The following RORA variants were observed in gnomAD, a reference collection of about 807,000 sequenced individuals.
RORA encodes the protein nuclear receptor ROR-alpha.
A neutral mutation model predicts 69.5 loss-of-function variants in RORA; 7 were observed. The observed-to-expected ratio is 0.10, with a 90% CI of 0.06 to 0.19. The LOEUF (loss-of-function observed/expected upper bound fraction) is 0.19. RORA is among the 10% of genes least tolerant of loss of function. RORA has a pLI of 1.00. For synonymous variants in RORA, 261 were observed against 240.8 expected (o/e 1.08, Z -0.78); for missense variants, 457 against 663.0 (o/e 0.69, Z 3.41).
intron 1 of RORA, among the ~76,000 whole-genome samples, chr15:61,176,728 T>G (rs1462063653): frequency 6.6e-6 from 1 of 152,234 alleles, no homozygotes; most frequent in Non-Finnish European, 1.5e-5. Flanking sequence ...CTTACAGAGT[T>G]GTGTAATTCA....
chr15:61,196,774 AT>A lies in RORA; in HGVS notation c.166+32278del, dbSNP rs373586666. 9.2e-5 allele frequency among the ~76,000 whole-genome samples: 14 copies of A among 152,364 alleles called. No homozygotes were observed. In the East Asian group the frequency reaches 1.7e-3, roughly 19 times the overall value. On this transcript the variant is annotated intron_variant, in intron 1 of 10. Coordinates refer to ENST00000335670, the MANE Select transcript of RORA (RefSeq NM_134261.3). ...GCACCAAAGTCAGAATAATGGAATA[AT>A]TGTTACAGTGTTTTAAAAAAATTTT...
At chr15:61,227,363 C>A (rs925795906) in intron 1 of RORA, among the ~76,000 whole-genome samples, 2 of 152,172 alleles carry the variant, frequency 1.3e-5, no homozygotes. Context: ...CACAAACTCA[C>A]CGAGCTAGCG....
At chr15:60,639,669 T>G (rs1351111516) in intron 2 of RORA, among the ~76,000 whole-genome samples, 1 of 152,200 alleles carries the variant, frequency 6.6e-6, no homozygotes, top group Non-Finnish European at 1.5e-5. Context: ...GTCATCGGGT[T>G]GCACAAGCAA....
At chr15:60,975,365 G>A (rs147529107) in intron 1 of RORA, among the ~76,000 whole-genome samples, 1 of 152,144 alleles carries the variant, frequency 6.6e-6, no homozygotes, top group African/African-American at 2.4e-5. Context: ...AAGGTGTCCC[G>A]GTCTGCCAAG....
chr15:60,629,009 G>A (rs1406444598), intron 2 of RORA, among the ~76,000 whole-genome samples: 1 of 151,922 alleles, frequency 6.6e-6, no homozygotes, highest in African/African-American at 2.4e-5. Flanking sequence ...AAGTCCACAG[G>A]TATTTCTACC....
chr15:61,195,685 G>A (rs1049767315), intron 1 of RORA, among the ~76,000 whole-genome samples: 1 of 152,164 alleles, frequency 6.6e-6, no homozygotes, highest in South Asian at 2.1e-4. Flanking sequence ...AAACTGGTCA[G>A]ATCCACATTT....
At chr15:60,505,682 T>C (rs1051647430) in intron 5 of RORA, 53 bp from the exon 6 acceptor site, 4 of 1,594,922 alleles carry the variant, frequency 2.5e-6, no homozygotes, top group Admixed American at 1.7e-5. Flanking sequence ...CTTTGAATAA[T>C]TGGTGATTTA....
chr15:60,616,347 C>T (rs955082286), intron 2 of RORA, among the ~76,000 whole-genome samples: 7 of 152,216 alleles, frequency 4.6e-5, no homozygotes, highest in African/African-American at 1.7e-4. Context: ...TCTGCCCTCT[C>T]ATCTCTCACC....
rs3053960 is a variant in RORA, at chr15:61,013,779, C to CT, written c.166+215273dup. Among the ~76,000 whole-genome samples, 455 of 70,898 alleles carry CT rather than the reference C, an allele frequency of 6.4e-3. 1 individual carries two copies. Among genetic ancestry groups the CT allele is most frequent in the African/African-American group, 0.013 (221 of 17,538 alleles). 46.5% of individuals were successfully genotyped at this position (70,898 alleles called of 152,430 possible). A position where few individuals can be genotyped will look rare whatever the true frequency, so the allele number is the denominator to read the frequency against. ...TTACTATAGCCAAGAACTGGGTTGG[C>CT]TTTTTTTTTTTTTTTTTTTTTTTGG... On this transcript the variant is annotated intron_variant, in intron 1 of 10. Transcript: ENST00000335670.
Position 61,204,697 on chromosome 15 carries a change from C to T in RORA, c.166+24356G>A, listed in dbSNP as rs200548632. Among the ~76,000 whole-genome samples, 7 of 152,342 alleles carry T rather than the reference C, an allele frequency of 4.6e-5. No individual in the cohort carries two copies. The East Asian group carries it at 5.8e-4, about 13-fold the overall frequency. ...CCAGTGTCCATGTCAGAAAAGTGAGCACTGTTCCATAAGGGAAAAGAGCAC... is the reference window on the plus strand; with the variant it reads ...CCAGTGTCCATGTCAGAAAAGTGAGTACTGTTCCATAAGGGAAAAGAGCAC... On this transcript the variant is annotated intron_variant, in intron 1 of 10. Transcript: ENST00000335670.
intron 1 of RORA, among the ~76,000 whole-genome samples, chr15:60,785,622 T>C (rs981749599): frequency 6.6e-6 from 1 of 152,348 alleles, no homozygotes; most frequent in Middle Eastern, 3.4e-3. Flanking sequence ...TCTCACATCA[T>C]GCTTCCTCAC....
intron 1 of RORA, among the ~76,000 whole-genome samples, chr15:60,907,517 G>A (rs896727305): frequency 1.3e-5 from 2 of 152,168 alleles, no homozygotes; most frequent in Non-Finnish European, 2.9e-5. Flanking sequence ...GTCACTTCCA[G>A]ATGTAACATT....
intron 2 of RORA, among the ~76,000 whole-genome samples, chr15:60,606,629 A>G (rs1279320924): frequency 6.6e-6 from 1 of 152,204 alleles, no homozygotes; most frequent in Non-Finnish European, 1.5e-5. Context: ...ACTACGTGAA[A>G]TGTTTGAAAA....
intron 1 of RORA, among the ~76,000 whole-genome samples, chr15:60,999,713 T>G (rs1021170233): frequency 1.3e-5 from 2 of 152,130 alleles, no homozygotes; most frequent in Non-Finnish European, 2.9e-5. Flanking sequence ...CTTAGGGAAA[T>G]CCACAGGCCC....
At chr15:60,873,757 T>C (rs988037501) in intron 1 of RORA, among the ~76,000 whole-genome samples, 1 of 152,234 alleles carries the variant, frequency 6.6e-6, no homozygotes, top group East Asian at 1.9e-4. Context: ...ATTAGCTCTA[T>C]TAAGTTGAAA....
chr15:60,556,984 A>G, intron 2 of RORA: 1 of 1,428,170 alleles, frequency 7.0e-7, no homozygotes, highest in Non-Finnish European at 9.8e-7. Flanking sequence ...TTATCAGAGC[A>G]TGTATTTATG....
rs1438500197 is a variant in RORA at position 61,213,671 on chromosome 15, C to A, written c.166+15382G>T. The A allele has an allele frequency of 6.6e-6, 1 of 152,160 alleles. No homozygotes were observed. Among genetic ancestry groups the A allele is most frequent in the Non-Finnish European group, 1.5e-5 (1 of 68,050 alleles). The allele number at this position is 152,160 out of a possible 1,614,324, so 9.4% of individuals were successfully genotyped here. A position where few individuals can be genotyped will look rare whatever the true frequency, so the allele number is the denominator to read the frequency against. ...TCAGTGAGCTTTCCCTAACTCCTCT[C>A]GGGGCATTTTCTCCTTCTTCTCTAT... On this transcript the variant is annotated intron_variant, in intron 1 of 10. Transcript: ENST00000335670. This position sits in a 1 kb window ranked among gnomAD's most constrained non-coding sequence, Gnocchi z 4.1.
intron 2 of RORA, among the ~76,000 whole-genome samples, chr15:60,552,729 G>A (rs2067258680): frequency 6.6e-6 from 1 of 152,172 alleles, no homozygotes; most frequent in Admixed American, 6.5e-5. Flanking sequence ...AAAATCAATT[G>A]GGGCAGGCAT....
At chr15:61,030,010 C>G (rs1896064767) in intron 1 of RORA, among the ~76,000 whole-genome samples, 1 of 152,090 alleles carries the variant, frequency 6.6e-6, no homozygotes, top group Non-Finnish European at 1.5e-5. Context: ...CTCTGAGGAG[C>G]CCTGACACTT....
Sources: gnomAD v4.1 joint callset for allele counts (sites outside exome capture counted in the v4.1 genomes callset) on GRCh38, gnomAD v4.1.1 for gene constraint, Gnocchi (gnomAD v3.1) non-coding constraint, MANE v1.5 for transcripts, NCBI Gene and HGNC (gene_info 2026-07-23, HGNC 2026-07-21) for gene names.